LRP1: variants seen among roughly 807,000 people sequenced by gnomAD.
LRP1 encodes the protein LDL receptor related protein 1.
Under a neutral mutation model 541.5 loss-of-function variants are expected in LRP1, and 51 were observed. That is an observed-to-expected ratio of 0.09 (90% CI 0.08 to 0.12). The LOEUF (loss-of-function observed/expected upper bound fraction) is 0.12. LRP1 is among the 10% of genes least tolerant of loss of function. LRP1 has a pLI of 1.00. For missense variants in LRP1, 3,878 were observed against 6,376.2 expected, an observed-to-expected ratio of 0.61 and a Z score of 13.34; for synonymous variants, 2,219 against 2,470.8, an observed-to-expected ratio of 0.90 and a Z score of 3.02.
At chr12:57,194,850 C>A in intron 50 of LRP1, 135 bp from the exon 51 acceptor site, 1 of 1,168,952 alleles carries the variant, frequency 8.6e-7, no homozygotes, top group East Asian at 2.4e-5. Flanking sequence ...CTCAGAGACT[C>A]TGCCTCTAGC....
At chr12:57,160,795 T>C in intron 12 of LRP1, 98 bp from the exon 13 acceptor site, 1 of 837,414 alleles carries the variant, frequency 1.2e-6, no homozygotes, top group Non-Finnish European at 2.0e-6. Context: ...AGGAGACCCC[T>C]GTGAGGAGCT....
At position 57,212,273 on chromosome 12, in the gene LRP1, G is replaced by A. The variant is rs754642672; in HGVS notation, c.13494+12G>A. ...TGGACCCTGACAAGGTGGGCTGGGA[G>A]GCGGGCAGGGTCGAGTGCCAAGAGG... is the stretch of plus-strand genomic sequence containing the variant. On this transcript the variant is annotated intron_variant, in intron 88 of 88. Coordinates refer to ENST00000243077, the MANE Select transcript of LRP1 (RefSeq NM_002332.3). This position sits in a 1 kb window ranked among gnomAD's most constrained non-coding sequence, Gnocchi z 5.0. 7 of 1,612,764 alleles carry A rather than the reference G, an allele frequency of 4.3e-6. No homozygotes were observed. The highest frequency in any genetic ancestry group is 3.3e-4 in the Middle Eastern group (2 of 6,054).
chr12:57,187,373 C>T lies in LRP1; in HGVS notation c.6948C>T (p.Arg2316=). 6 of 1,614,218 alleles carry T rather than the reference C, an allele frequency of 3.7e-6. No individual in the cohort carries two copies. The highest frequency in any genetic ancestry group is 5.1e-6 in the Non-Finnish European group (6 of 1,180,038). Residue 2316 remains arginine, a synonymous_variant, in exon 42 of 89, where the codon CGC becomes CGT. Coordinates refer to ENST00000243077, the MANE Select transcript of LRP1 (RefSeq NM_002332.3). The part of the protein sequence containing the change: ...TITRHTVDQT[R]PGAFERETVI... ...CGCGCCACACAGTGGACCAGACCCG[C>T]CCAGGGGCCTTCGAGCGTGAGACCG...
rs558265412 is a variant in LRP1 at position 57,129,811 on chromosome 12, G to T, written c.67+780G>T. ...AATGGCCTGGAATGCTGGGGTAGGAGGGTGGGGGAGGCTGCCTTCTTCCTG... is the reference window on the plus strand; with the variant it reads ...AATGGCCTGGAATGCTGGGGTAGGATGGTGGGGGAGGCTGCCTTCTTCCTG... On this transcript the variant is annotated intron_variant, in intron 1 of 88. Transcript: ENST00000243077. Among the ~76,000 whole-genome samples the T allele has an allele frequency of 2.0e-5, 3 of 152,296 alleles. No individual in the cohort carries two copies. The South Asian group carries it at 6.2e-4, about 32-fold the overall frequency.
intron 17 of LRP1, 45 bp downstream of exon 17, chr12:57,166,254 G>C: frequency 1.3e-6 from 2 of 1,550,784 alleles, no homozygotes; most frequent in Non-Finnish European, 1.7e-6. Context: ...CTCAGTCAAG[G>C]AGGCAGGGGA....
In LRP1 at chr12:57,173,036, C is replaced by T. The variant is rs2035975915; in HGVS notation, c.3164-132C>T. ...GTGCTTCCAAGGAGTGTCAGCAAAGCTTGGCAGACTCTCCAGGCCTGCCTC... is the reference window on the plus strand; with the variant it reads ...GTGCTTCCAAGGAGTGTCAGCAAAGTTTGGCAGACTCTCCAGGCCTGCCTC... On this transcript the variant is annotated intron_variant, in intron 20 of 88. Coordinates refer to ENST00000243077, the MANE Select transcript of LRP1 (RefSeq NM_002332.3). This position sits in a 1 kb window ranked among gnomAD's most constrained non-coding sequence, Gnocchi z 4.7. 1 of 677,584 alleles carries T rather than the reference C, an allele frequency of 1.5e-6. No individual in the cohort carries two copies. The highest frequency in any genetic ancestry group is 2.8e-5 in the East Asian group (1 of 35,836). The allele number at this position is 677,584 out of a possible 1,614,324, so 42.0% of individuals were successfully genotyped here.
chr12:57,212,448 C>T lies in LRP1; in HGVS notation c.13528C>T (p.Leu4510Phe). The T allele has an allele frequency of 6.2e-7, 1 of 1,614,150 alleles. No homozygotes were observed. The highest frequency in any genetic ancestry group is 8.5e-7 in the Non-Finnish European group (1 of 1,180,028). The change falls in exon 89 of 89, where the codon CTC becomes TTC. Residue 4510 changes from leucine to phenylalanine, a missense_variant. Physicochemically the swap from Leu to Phe is conservative, Grantham distance 22. Transcript: ENST00000243077. This position sits in a 1 kb window ranked among gnomAD's most constrained non-coding sequence, Gnocchi z 5.0. ...TNFTNPVYAT[L>F]YMGGHGSRHS... ...CTTCACCAACCCCGTGTATGCCACA[C>T]TCTACATGGGGGGCCATGGCAGTCG...
chr12:57,183,967 T>C lies in LRP1; in HGVS notation c.5929+58T>C. On this transcript the variant is annotated intron_variant, in intron 36 of 88. Transcript: ENST00000243077. This position sits in a 1 kb window ranked among gnomAD's most constrained non-coding sequence, Gnocchi z 6.1. Reference sequence around the variant, plus strand: ...TGTGGCAGAGGACTGGGGGACGAAGTGAGAGGAGGAGTTGGCGGGAGCAGG... The same window carrying C: ...TGTGGCAGAGGACTGGGGGACGAAGCGAGAGGAGGAGTTGGCGGGAGCAGG... 2 of 1,609,908 alleles carry C rather than the reference T, an allele frequency of 1.2e-6. No individual in the cohort carries two copies. The highest frequency in any genetic ancestry group is 1.7e-6 in the Non-Finnish European group (2 of 1,177,332).
At position 57,167,160 on chromosome 12, in the gene LRP1, T is replaced by C. The variant is rs34474417; in HGVS notation, c.2914+114T>C. On this transcript the variant is annotated intron_variant, in intron 18 of 88. Transcript: ENST00000243077. Reference sequence around the variant, plus strand: ...AACCCAGCACTTGGGTGGCCTTGAGTGAGTTAATCTCGGTGGCCTCTGTGA... The same window carrying C: ...AACCCAGCACTTGGGTGGCCTTGAGCGAGTTAATCTCGGTGGCCTCTGTGA... 7,270 of 821,490 alleles carry C rather than the reference T, an allele frequency of 8.8e-3. 230 individuals carry two copies. The highest frequency in any genetic ancestry group is 0.073 in the African/African-American group (4,303 of 58,920). The allele number at this position is 821,490 out of a possible 1,614,324, so 50.9% of individuals were successfully genotyped here.
rs909382776 is a variant in LRP1, at chr12:57,199,312, G to A, written c.9777G>A (p.Lys3259=). 3.1e-6 allele frequency: 5 copies of A among 1,613,690 alleles called. No individual in the cohort carries two copies. In the African/African-American group the frequency reaches 6.7e-5, roughly 22 times the overall value. Residue 3259 remains lysine, a synonymous_variant, in exon 61 of 89, where the codon AAG becomes AAA. Transcript: ENST00000243077. ...CAAAGTCCATTAACCGAGCCCACAA[G>A]ACCACGGGCACCAACAAAACGCTCC... ...WETKSINRAH[K]TTGTNKTLLI... is the part of the protein sequence containing the mutation.
At position 57,154,993 on chromosome 12, in the gene LRP1, C is replaced by T. The variant is rs545182955; in HGVS notation, c.1227+292C>T. The T allele has an allele frequency of 3.4e-6, 2 of 582,446 alleles. No homozygotes were observed. Among genetic ancestry groups the T allele is most frequent in the Admixed American group, 3.1e-5 (1 of 32,772 alleles). 36.1% of individuals were successfully genotyped at this position (582,446 alleles called of 1,614,324 possible). On this transcript the variant is annotated intron_variant, in intron 8 of 88. Transcript: ENST00000243077. This position sits in a 1 kb window ranked among gnomAD's most constrained non-coding sequence, Gnocchi z 4.6. ...GATGAACAGGGAGGTGGTTCAGTTC[C>T]CTTTCAGCAGATGAAAAAGCAGGAT...
rs2036773664 is a variant in LRP1 at position 57,206,140 on chromosome 12, C to G, written c.11591-333C>G. ...CACACACACCCCATGTGCCTATGCA[C>G]CCCCGAGCATGTGCCAGGCAGTTTG... On this transcript the variant is annotated intron_variant, in intron 75 of 88. Coordinates refer to ENST00000243077, the MANE Select transcript of LRP1 (RefSeq NM_002332.3). The surrounding 1 kb of genome is among the most constrained non-coding windows in gnomAD (Gnocchi z 4.7). Among the ~76,000 whole-genome samples the G allele has an allele frequency of 6.6e-6, 1 of 152,230 alleles. No homozygotes were observed.
Position 57,197,744 on chromosome 12 carries a change from C to G in LRP1, c.9282+80C>G. 1 of 1,552,462 alleles carries G rather than the reference C, an allele frequency of 6.4e-7. No homozygotes were observed. The highest frequency in any genetic ancestry group is 2.3e-5 in the East Asian group (1 of 44,384). On this transcript the variant is annotated intron_variant, in intron 58 of 88. Coordinates refer to ENST00000243077, the MANE Select transcript of LRP1 (RefSeq NM_002332.3). The surrounding 1 kb of genome is among the most constrained non-coding windows in gnomAD (Gnocchi z 4.5). ...CAGATCGTCTCTCCTTCCCGCCCCA[C>G]CAACCCAAATTGCTTCCTTCTCACT...
chr12:57,148,954 C>T, intron 6 of LRP1: 1 of 597,662 alleles, frequency 1.7e-6, no homozygotes, highest in South Asian at 2.0e-5. Context: ...CTTCCTCTCC[C>T]TTTCTTTTAT....
intron 52 of LRP1, 46 bp downstream of exon 52, chr12:57,195,445 A>T (rs769619881): frequency 6.3e-7 from 1 of 1,593,718 alleles, no homozygotes; most frequent in Non-Finnish European, 8.5e-7. Context: ...AAATGGCCAC[A>T]GTCTCACTTT....
At chr12:57,174,496 C>T (rs1458469933) in intron 22 of LRP1, among the ~76,000 whole-genome samples, 1 of 152,176 alleles carries the variant, frequency 6.6e-6, no homozygotes, top group African/African-American at 2.4e-5. Flanking sequence ...GGCATGGGGG[C>T]AGGCGCGGTG....
intron 6 of LRP1, among the ~76,000 whole-genome samples, chr12:57,145,814 G>A (rs760373302): frequency 4.6e-5 from 7 of 152,150 alleles, no homozygotes; most frequent in Non-Finnish European, 7.3e-5. Flanking sequence ...GGACTTTCCG[G>A]TGCAGTGGGA....
At position 57,156,863 on chromosome 12, in the gene LRP1, C is replaced by T. The variant is rs1018611725; in HGVS notation, c.1504C>T (p.Arg502Trp). ...CCTGCTGGCCAACAGCCACAAGGCG[C>T]GGACCTGCCGCTGCCGTTCCGGCTT... ...ICLLANSHKA[R>W]TCRCRSGFSL... Residue 502 changes from arginine (R) to tryptophan (W), a missense_variant, in exon 10 of 89, where the codon CGG becomes TGG. Arg to Trp is a moderately radical substitution (Grantham distance 101). This residue lies in a region of LRP1 where 496 missense variants were observed against 861.0 expected (regional missense o/e 0.58). Transcript: ENST00000243077. This position sits in a 1 kb window ranked among gnomAD's most constrained non-coding sequence, Gnocchi z 5.2. 3.1e-6 allele frequency: 5 copies of T among 1,596,626 alleles called. No homozygotes were observed. Among genetic ancestry groups the T allele is most frequent in the South Asian group, 1.1e-5 (1 of 90,496 alleles).
intron 22 of LRP1, among the ~76,000 whole-genome samples, 163 bp from the exon 23 acceptor site, chr12:57,175,297 G>A (rs1313216891): frequency 6.6e-6 from 1 of 152,194 alleles, no homozygotes; most frequent in East Asian, 1.9e-4. Context: ...GTCCTGGGCT[G>A]AAGCTCAGCC....
Sources: allele counts gnomAD v4.1 joint callset (sites outside exome capture counted in the v4.1 genomes callset), GRCh38; gene constraint gnomAD v4.1.1; regional missense constraint gnomAD v4.1.1; non-coding constraint Gnocchi (gnomAD v3.1); transcripts MANE v1.5; gene names NCBI Gene and HGNC (gene_info 2026-07-23, HGNC 2026-07-21).